Variants in ZFX observed in about 807,000 individuals in gnomAD.
The protein encoded by ZFX is zinc finger X-chromosomal protein.
For synonymous variants in ZFX, 196 were observed against 226.8 expected (o/e 0.86, Z 1.22); for missense variants, 362 against 628.3 (o/e 0.58, Z 4.53).
chrX:24,175,533 A>C (rs778133395), intron 4 of ZFX: 1 of 110,545 alleles, frequency 9.0e-6, no homozygotes, highest in Non-Finnish European at 1.9e-5. Context: ...CACAAAACTA[A>C]TAAGTGTCCT....
chrX:24,175,869 G>A (rs745996018), intron 4 of ZFX, among the ~76,000 whole-genome samples: 9 of 109,830 alleles, frequency 8.2e-5, no homozygotes, highest in African/African-American at 1.7e-4. Context: ...GTGAGCCACC[G>A]CGCCCGGCTG....
intron 5 of ZFX, among the ~76,000 whole-genome samples, chrX:24,199,375 C>T (rs1343139575): frequency 9.1e-6 from 1 of 109,682 alleles, no homozygotes; most frequent in Admixed American, 9.7e-5. Context: ...CCACCTCAGC[C>T]TCCTGGGTAG....
chrX:24,201,751 T>C (rs750863381), intron 5 of ZFX, among the ~76,000 whole-genome samples: 8 of 112,192 alleles, frequency 7.1e-5, no homozygotes, highest in Non-Finnish European at 1.1e-4. Flanking sequence ...TAAGTACATA[T>C]CAGTCCAGAA....
At chrX:24,184,041 G>A (rs746013236) in intron 5 of ZFX, among the ~76,000 whole-genome samples, 2 of 111,955 alleles carry the variant, frequency 1.8e-5, no homozygotes, top group African/African-American at 3.2e-5. Context: ...GATTACAGGC[G>A]TGAGCCACCA....
chrX:24,152,083 A>T (rs1932231323), intron 2 of ZFX, among the ~76,000 whole-genome samples: 1 of 110,983 alleles, frequency 9.0e-6, no homozygotes, highest in Non-Finnish European at 1.9e-5. Flanking sequence ...TGAAAAGTAC[A>T]GGACTAGTGC....
chrX:24,210,789 C>T lies in ZFX; in HGVS notation c.1831C>T (p.Leu611Phe). ...GATGCCATTCAAGTGTGACATTTGT[C>T]TTCTGACTTTCTCGGATACCAAAGA... ...KEMPFKCDIC[L>F]LTFSDTKEVQ... is the part of the protein sequence containing the mutation. The change falls in exon 10 of 10, where the codon CTT becomes TTT. Residue 611 changes from leucine to phenylalanine, a missense_variant. Leu to Phe is a conservative substitution (Grantham distance 22). Transcript: ENST00000304543. The T allele has an allele frequency of 8.3e-7, 1 of 1,211,783 alleles. No homozygotes were observed. Among genetic ancestry groups the T allele is most frequent in the Non-Finnish European group, 1.1e-6 (1 of 895,523 alleles).
At chrX:24,174,996 C>T (rs1450696603) in intron 4 of ZFX, among the ~76,000 whole-genome samples, 2 of 111,718 alleles carry the variant, frequency 1.8e-5, no homozygotes, top group African/African-American at 6.5e-5. Flanking sequence ...CCACTGTGCT[C>T]GGTCAAATTT....
At chrX:24,191,611 C>T (rs1006974417) in intron 5 of ZFX, among the ~76,000 whole-genome samples, 1 of 111,371 alleles carries the variant, frequency 9.0e-6, no homozygotes, top group Non-Finnish European at 1.9e-5. Context: ...TAATAAAATA[C>T]AGGGAAACTA....
At chrX:24,208,487 A>AC in intron 8 of ZFX, 117 bp downstream of exon 8, 1 of 928,300 alleles carries the variant, frequency 1.1e-6, no homozygotes, top group Non-Finnish European at 1.5e-6. Flanking sequence ...AGTATCCTGT[A>AC]AGGATTATTT....
In ZFX at chrX:24,161,180, C is replaced by G. The variant is rs996003811; in HGVS notation, c.-29+8350C>G. 4.5e-5 allele frequency among the ~76,000 whole-genome samples: 5 copies of G among 111,728 alleles called. No homozygotes were observed. The South Asian group carries it at 1.8e-3, about 41-fold the overall frequency. On this transcript the variant is annotated intron_variant, in intron 3 of 9. Coordinates refer to ENST00000304543, the MANE Select transcript of ZFX (RefSeq NM_003410.4). ...CTTGAAATAAATCCAACAAAGCATA[C>G]CAAGACCTTCAGTAAAAACCTTACT...
chrX:24,194,344 A>G (rs1936750637), intron 5 of ZFX, among the ~76,000 whole-genome samples: 1 of 111,510 alleles, frequency 9.0e-6, no homozygotes, highest in Non-Finnish European at 1.9e-5. Context: ...GTTGATGAGA[A>G]AGAAAATCGA....
At chrX:24,171,555 G>C (rs1326863954) in intron 3 of ZFX, among the ~76,000 whole-genome samples, 3 of 111,418 alleles carry the variant, frequency 2.7e-5, no homozygotes, top group Non-Finnish European at 5.6e-5. Flanking sequence ...ATGTCACCTA[G>C]CTTTAGAAAA....
intron 5 of ZFX, among the ~76,000 whole-genome samples, chrX:24,197,246 G>T (rs1273921127): frequency 9.0e-6 from 1 of 111,715 alleles, no homozygotes; most frequent in Non-Finnish European, 1.9e-5. Flanking sequence ...GAAGTGGAAG[G>T]ATTGCTTGAG....
chrX:24,202,586 T>G (rs1316892917), intron 5 of ZFX, among the ~76,000 whole-genome samples: 1 of 111,438 alleles, frequency 9.0e-6, no homozygotes, highest in Non-Finnish European at 1.9e-5. Flanking sequence ...CTAGCTTCCT[T>G]CATGCCCTTC....
At chrX:24,207,244 AAT>A in intron 5 of ZFX, 80 bp from the exon 6 acceptor site, 5 of 851,594 alleles carry the variant, frequency 5.9e-6, no homozygotes, top group Admixed American at 3.2e-5. Flanking sequence ...CAAAAAAAAA[AAT>A]TTTTTTTTTT....
intron 4 of ZFX, among the ~76,000 whole-genome samples, chrX:24,176,076 G>C (rs1012801762): frequency 1.1e-5 from 1 of 88,658 alleles, no homozygotes; most frequent in Non-Finnish European, 2.2e-5. Context: ...TTTTGCTCTT[G>C]TTGCCTAGGC....
chrX:24,198,274 C>G (rs943454781), intron 5 of ZFX, among the ~76,000 whole-genome samples: 2 of 111,495 alleles, frequency 1.8e-5, no homozygotes, highest in Non-Finnish European at 3.8e-5. Flanking sequence ...ACGATCATGA[C>G]TCACTGCAGC....
In ZFX at chrX:24,208,338, C is replaced by A. The variant is rs762272041; in HGVS notation, c.1061C>A (p.Thr354Asn). The A allele has an allele frequency of 5.8e-6, 7 of 1,210,152 alleles. No individual in the cohort carries two copies. The Admixed American group carries it at 1.5e-4, about 27-fold the overall frequency. Reference sequence around the variant, plus strand: ...CAAATGGATGACAATGAAATCAAAACCTTCATGCCGATTGCATGGGCAGCA... The same window carrying A: ...CAAATGGATGACAATGAAATCAAAAACTTCATGCCGATTGCATGGGCAGCA... Reference protein sequence around the residue: ...EQQMDDNEIKTFMPIAWAAAY... With the variant: ...EQQMDDNEIKNFMPIAWAAAY... The change falls in exon 8 of 10, where the codon ACC becomes AAC. Residue 354 changes from threonine (T) to asparagine (N), a missense_variant. By Grantham distance (65) the Thr-to-Asn change is moderately conservative. Coordinates refer to ENST00000304543, the MANE Select transcript of ZFX (RefSeq NM_003410.4).
intron 2 of ZFX, among the ~76,000 whole-genome samples, chrX:24,152,452 A>G (rs1334560738): frequency 9.0e-6 from 1 of 111,615 alleles, no homozygotes; most frequent in Non-Finnish European, 1.9e-5. Context: ...GAATTTTATG[A>G]TGGAAACCTT....
Sources: allele counts gnomAD v4.1 joint callset (sites outside exome capture counted in the v4.1 genomes callset), GRCh38; gene constraint gnomAD v4.1.1; transcripts MANE v1.5; gene names NCBI Gene and HGNC (gene_info 2026-07-23, HGNC 2026-07-21).